CTNNA3: variants seen among roughly 807,000 people sequenced by gnomAD.
CTNNA3 encodes the protein catenin alpha 3.
CTNNA3 carries 76 observed loss-of-function variants against 95.7 expected under a neutral mutation model. That is an observed-to-expected ratio of 0.79 (90% confidence interval 0.66 to 0.96). The LOEUF is 0.96. Among genes scored for constraint, CTNNA3 ranks in the 40% least tolerant of loss-of-function variants. CTNNA3 has a pLI of 0.00. For missense variants in CTNNA3, 1,191 were observed against 1,089.8 expected, an observed-to-expected ratio of 1.09 and a Z score of -1.31; for synonymous variants, 431 against 374.4, an observed-to-expected ratio of 1.15 and a Z score of -1.74.
intron 7 of CTNNA3, among the ~76,000 whole-genome samples, chr10:66,941,520 T>C (rs558230475): frequency 1.3e-5 from 2 of 152,242 alleles, no homozygotes; most frequent in East Asian, 1.9e-4. Flanking sequence ...TTCAACTGTA[T>C]GGAATTTGAA....
chr10:66,173,166 A>G (rs1283379846), intron 13 of CTNNA3, among the ~76,000 whole-genome samples: 1 of 152,198 alleles, frequency 6.6e-6, no homozygotes, highest in East Asian at 1.9e-4. Context: ...AATAAGAATA[A>G]TACATTTGAA....
intron 2 of CTNNA3, among the ~76,000 whole-genome samples, chr10:67,631,391 T>A (rs1839139258): frequency 1.3e-5 from 2 of 152,074 alleles, no homozygotes; most frequent in South Asian, 4.1e-4. Flanking sequence ...TATGAAGAAA[T>A]GAATTCAGAA....
Position 66,466,339 on chromosome 10 carries a change from T to TATACACAC in CTNNA3, c.1531+54277_1531+54278insGTGTGTAT, listed in dbSNP as rs753509503. Among the ~76,000 whole-genome samples the TATACACAC allele has an allele frequency of 4.9e-3, 698 of 141,830 alleles. 5 individuals are homozygous for TATACACAC. Among genetic ancestry groups the TATACACAC allele is most frequent in the African/African-American group, 0.017 (664 of 37,952 alleles). 93.0% of individuals were successfully genotyped at this position (141,830 alleles called of 152,430 possible). A position where few individuals can be genotyped will look rare whatever the true frequency, so the allele number is the denominator to read the frequency against. ...ACACACACATACACGCACCCACCTA[T>TATACACAC]ACACACACACACACACACACACACA... On this transcript the variant is annotated intron_variant, in intron 11 of 17. Transcript: ENST00000433211.
At chr10:67,636,052 G>A (rs747152186) in intron 2 of CTNNA3, among the ~76,000 whole-genome samples, 6 of 152,130 alleles carry the variant, frequency 3.9e-5, no homozygotes, top group Admixed American at 1.3e-4. Context: ...AATCATGAAT[G>A]AACTCCCAAT....
chr10:67,686,880 C>T (rs1441802749), intron 1 of CTNNA3, among the ~76,000 whole-genome samples: 1 of 152,108 alleles, frequency 6.6e-6, no homozygotes, highest in Non-Finnish European at 1.5e-5. Context: ...GCCCAGACTT[C>T]AGGGTTGATT....
intron 9 of CTNNA3, among the ~76,000 whole-genome samples, chr10:66,691,097 G>A (rs1003678484): frequency 2.0e-5 from 3 of 152,200 alleles, no homozygotes; most frequent in Non-Finnish European, 4.4e-5. Flanking sequence ...GGGAGTGCCA[G>A]ACAGTGGACG....
chr10:67,289,303 A>T (rs1337302248), intron 5 of CTNNA3, among the ~76,000 whole-genome samples: 1 of 152,174 alleles, frequency 6.6e-6, no homozygotes, highest in Non-Finnish European at 1.5e-5. Context: ...GAAAGAAAGC[A>T]CCAGTTGCAA....
chr10:67,148,183 T>C (rs1860929330), intron 7 of CTNNA3, among the ~76,000 whole-genome samples: 1 of 152,180 alleles, frequency 6.6e-6, no homozygotes, highest in South Asian at 2.1e-4. Context: ...AGGACATACA[T>C]ACACACAAAA....
chr10:67,325,049 A>G (rs913274980), intron 5 of CTNNA3, among the ~76,000 whole-genome samples: 1 of 151,712 alleles, frequency 6.6e-6, no homozygotes, highest in Non-Finnish European at 1.5e-5. Context: ...ATACTCTCTG[A>G]TTGTTATTTG....
chr10:67,673,449 G>A (rs1840479044), intron 1 of CTNNA3, among the ~76,000 whole-genome samples: 1 of 151,930 alleles, frequency 6.6e-6, no homozygotes, highest in South Asian at 2.1e-4. Context: ...AGTTTTCAAA[G>A]GGAATGCTTC....
In CTNNA3 at chr10:66,331,342, G is replaced by GCT. The variant is rs201302254; in HGVS notation, c.1732+47809_1732+47810insAG. ...ATATGGACTCCTTTCCCCATTGTTTGTTTTTTTTTTTTTTTTTTTTTTTTT... is the reference window on the plus strand; with the variant it reads ...ATATGGACTCCTTTCCCCATTGTTTGCTTTTTTTTTTTTTTTTTTTTTTTTTT... On this transcript the variant is annotated intron_variant, in intron 12 of 17. Transcript: ENST00000433211. Among the ~76,000 whole-genome samples, 552 of 80,316 alleles carry GCT rather than the reference G, an allele frequency of 6.9e-3. 81 individuals carry two copies. Among genetic ancestry groups the GCT allele is most frequent in the African/African-American group, 0.021 (447 of 21,172 alleles). 52.7% of individuals were successfully genotyped at this position (80,316 alleles called of 152,430 possible).
intron 7 of CTNNA3, among the ~76,000 whole-genome samples, chr10:67,085,416 A>G (rs1333494463): frequency 6.6e-6 from 1 of 152,080 alleles, no homozygotes; most frequent in East Asian, 1.9e-4. Flanking sequence ...AGGGACTAAA[A>G]GTAAAAAACA....
chr10:67,749,194 C>G (rs1160069335), intron 1 of CTNNA3, among the ~76,000 whole-genome samples: 3 of 152,156 alleles, frequency 2.0e-5, no homozygotes, highest in African/African-American at 7.2e-5. Context: ...GAGACTAAGA[C>G]TACCACACAA....
intron 7 of CTNNA3, among the ~76,000 whole-genome samples, chr10:66,960,660 G>A (rs1286458940): frequency 6.6e-6 from 1 of 152,148 alleles, no homozygotes; most frequent in Non-Finnish European, 1.5e-5. Flanking sequence ...AAAGATATTG[G>A]AAGGTTCATT....
intron 12 of CTNNA3, among the ~76,000 whole-genome samples, chr10:66,359,266 C>A (rs2092635547): frequency 6.6e-6 from 1 of 152,096 alleles, no homozygotes; most frequent in Non-Finnish European, 1.5e-5. Context: ...AGGGACAGAA[C>A]AGGAAAGTTT....
intron 7 of CTNNA3, among the ~76,000 whole-genome samples, chr10:67,045,604 G>A: frequency 6.6e-6 from 1 of 152,204 alleles, no homozygotes; most frequent in East Asian, 1.9e-4. Flanking sequence ...GGGCAAGGGG[G>A]CAGCTGCCTT....
intron 10 of CTNNA3, among the ~76,000 whole-genome samples, chr10:66,596,345 C>G (rs756941440): frequency 9.2e-5 from 14 of 152,094 alleles, no homozygotes. Flanking sequence ...GCCCTGCTGT[C>G]TACTACATAT....
chr10:66,143,303 T>A (rs1240884921), intron 13 of CTNNA3, among the ~76,000 whole-genome samples: 1 of 151,958 alleles, frequency 6.6e-6, no homozygotes, highest in Non-Finnish European at 1.5e-5. Flanking sequence ...TAGAAAGGAG[T>A]ATACTTTATA....
intron 15 of CTNNA3, among the ~76,000 whole-genome samples, chr10:66,051,246 A>G (rs1903886): frequency 0.32 from 48,588 of 152,062 alleles, 7,886 homozygotes; most frequent in South Asian, 0.43. Context: ...TTGAGTCCAA[A>G]TTCAGATTTT....
Sources: allele counts gnomAD v4.1 joint callset (sites outside exome capture counted in the v4.1 genomes callset), GRCh38; gene constraint gnomAD v4.1.1; transcripts MANE v1.5; gene names NCBI Gene and HGNC (gene_info 2026-07-23, HGNC 2026-07-21).